The following KANSL3 variants were observed in gnomAD, a reference collection of about 807,000 sequenced individuals.
The protein encoded by KANSL3 is NSL complex protein NSL3.
A neutral mutation model predicts 89.2 loss-of-function variants in KANSL3; 16 were observed. That is an observed-to-expected ratio of 0.18 (90% CI 0.12 to 0.27). KANSL3 has a LOEUF of 0.27. Among genes scored for constraint, KANSL3 ranks in the 10% least tolerant of loss-of-function variants. KANSL3 has a pLI of 1.00. For missense variants in KANSL3, 879 were observed against 1,110.6 expected (o/e 0.79, Z 2.96); for synonymous variants, 385 against 419.7 (o/e 0.92, Z 1.01).
Position 96,610,989 on chromosome 2 carries a change from A to G in KANSL3, c.1161+75T>C. ...CCATGCAACTGCAGTCAGCCTCAGCATCAGCTTGGACAAGGCATGCACACT... is the reference window on the plus strand; with the variant it reads ...CCATGCAACTGCAGTCAGCCTCAGCGTCAGCTTGGACAAGGCATGCACACT... On this transcript the variant is annotated intron_variant, in intron 10 of 20. Transcript: ENST00000431828. 7 of 1,578,860 alleles carry G rather than the reference A, an allele frequency of 4.4e-6. No individual in the cohort carries two copies. In the South Asian group the frequency reaches 7.8e-5, roughly 18 times the overall value.
intron 20 of KANSL3, among the ~76,000 whole-genome samples, chr2:96,598,394 A>G (rs1374146343): frequency 1.3e-5 from 2 of 152,214 alleles, no homozygotes; most frequent in African/African-American, 4.8e-5. Context: ...ATTAATATAG[A>G]CGCCAAAATC....
intron 16 of KANSL3, 114 bp from the exon 17 acceptor site, chr2:96,604,494 CA>C: frequency 3.2e-6 from 4 of 1,232,236 alleles, no homozygotes; most frequent in Non-Finnish European, 4.5e-6. Flanking sequence ...AGACATACAC[CA>C]AAAACCTTCA....
Position 96,594,291 on chromosome 2 carries a change from C to T in KANSL3, c.*1320G>A, listed in dbSNP as rs1244669603. 1 of 152,206 alleles carries T rather than the reference C, an allele frequency of 6.6e-6. No individual in the cohort carries two copies. The highest frequency in any genetic ancestry group is 2.4e-5 in the African/African-American group (1 of 41,438). The allele number at this position is 152,206 out of a possible 1,614,324, so 9.4% of individuals were successfully genotyped here. A position where few individuals can be genotyped will look rare whatever the true frequency, so the allele number is the denominator to read the frequency against. ...CACACTTGGGTTGCCTAATTTATTA[C>T]CTTAACTAGAAACATTCTAAGTATG... On this transcript the variant is annotated 3_prime_UTR_variant, in exon 21 of 21. Coordinates refer to ENST00000431828, the MANE Select transcript of KANSL3 (RefSeq NM_001115016.3).
chr2:96,589,593 A>C (rs2066260274), downstream of KANSL3, among the ~76,000 whole-genome samples: 1 of 152,228 alleles, frequency 6.6e-6, no homozygotes, highest in African/African-American at 2.4e-5. Flanking sequence ...ACAATTCCAC[A>C]ATTATAGTTG....
downstream of KANSL3, among the ~76,000 whole-genome samples, chr2:96,588,873 C>A (rs1448757427): frequency 6.6e-6 from 1 of 152,168 alleles, no homozygotes; most frequent in East Asian, 1.9e-4. Context: ...GGATTACAGG[C>A]TTAAGCCACC....
At chr2:96,587,893 ACAG>A in the KANSL3 span, among the ~76,000 whole-genome samples, 1 of 152,234 alleles carries the variant, frequency 6.6e-6, no homozygotes, top group East Asian at 1.9e-4. Flanking sequence ...AATAGGCTCA[ACAG>A]CAGAACAGAA....
chr2:96,615,728 T>C (rs1457200764), intron 5 of KANSL3, among the ~76,000 whole-genome samples: 1 of 152,170 alleles, frequency 6.6e-6, no homozygotes, highest in African/African-American at 2.4e-5. Flanking sequence ...TATGAGAAAT[T>C]AGAGAATTAT....
chr2:96,590,550 A>G (rs1296486975), downstream of KANSL3, among the ~76,000 whole-genome samples: 1 of 152,022 alleles, frequency 6.6e-6, no homozygotes, highest in African/African-American at 2.4e-5. Context: ...TGGCCTCCCA[A>G]AGTGCTGGGA....
chr2:96,619,346 A>G lies in KANSL3; in HGVS notation c.663+13T>C, dbSNP rs200118389. ...TATCCCTAGGACAGGGCAGACCCCA[A>G]TCACAGCCTTACCTTCCCCTTCAGC... On this transcript the variant is annotated intron_variant, in intron 5 of 20. Coordinates refer to ENST00000431828, the MANE Select transcript of KANSL3 (RefSeq NM_001115016.3). 20 of 1,604,158 alleles carry G rather than the reference A, an allele frequency of 1.2e-5. No individual in the cohort carries two copies. In the African/African-American group the frequency reaches 1.6e-4, roughly 13 times the overall value.
intron 2 of KANSL3, among the ~76,000 whole-genome samples, chr2:96,634,924 T>C (rs777891227): frequency 1.3e-5 from 2 of 152,190 alleles, no homozygotes; most frequent in Non-Finnish European, 1.5e-5. Flanking sequence ...TCATCCTAAT[T>C]TTACCTTTCC....
intron 14 of KANSL3, chr2:96,605,842 A>T (rs2067903312): frequency 5.5e-6 from 1 of 182,494 alleles, no homozygotes; most frequent in Non-Finnish European, 1.2e-5. Flanking sequence ...GGCCAATGGC[A>T]ACAACAACAA....
chr2:96,596,630 AC>A (rs1343003144), intron 20 of KANSL3, among the ~76,000 whole-genome samples: 1 of 152,284 alleles, frequency 6.6e-6, no homozygotes, highest in Admixed American at 6.5e-5. Flanking sequence ...ATATAGCAAG[AC>A]CCCATCTCAA....
intron 3 of KANSL3, among the ~76,000 whole-genome samples, chr2:96,629,549 C>T (rs1033288796): frequency 5.3e-5 from 8 of 152,228 alleles, no homozygotes; most frequent in Non-Finnish European, 7.4e-5. Context: ...CTTGAACTCC[C>T]GACCTCAGGT....
Position 96,611,138 on chromosome 2 carries a change from C to G in KANSL3, c.1087G>C (p.Val363Leu), listed in dbSNP as rs532815065. 1 of 1,613,548 alleles carries G rather than the reference C, an allele frequency of 6.2e-7. No homozygotes were observed. Among genetic ancestry groups the G allele is most frequent in the Non-Finnish European group, 8.5e-7 (1 of 1,179,454 alleles). ...GCAGTGACATACTCCATTACTGACA[C>G]CTGTAAATAACAGAACAGTTTGTCT... ...WNTGALVACH[V>L]SVMEYVTAVV... Residue 363 changes from valine to leucine, a missense_variant and splice_region_variant, in exon 10 of 21, where the codon GTG becomes CTG. By Grantham distance (32) the Val-to-Leu change is conservative (BLOSUM62 1). Coordinates refer to ENST00000431828, the MANE Select transcript of KANSL3 (RefSeq NM_001115016.3).
intron 11 of KANSL3, among the ~76,000 whole-genome samples, chr2:96,609,935 A>T (rs981463384): frequency 8.0e-6 from 1 of 124,842 alleles, no homozygotes; most frequent in Non-Finnish European, 1.6e-5. Context: ...TAGGCGACAG[A>T]GCCAGGCGCC....
intron 3 of KANSL3, among the ~76,000 whole-genome samples, chr2:96,622,254 T>C (rs181585746): frequency 1.4e-4 from 22 of 152,116 alleles, no homozygotes; most frequent in African/African-American, 5.3e-4. Flanking sequence ...TGAGACCTTG[T>C]CTACTGAAAA....
intron 12 of KANSL3, 94 bp from the exon 13 acceptor site, chr2:96,609,158 A>T (rs1434276040): frequency 1.7e-6 from 2 of 1,149,930 alleles, no homozygotes; most frequent in Non-Finnish European, 2.5e-6. Context: ...ATTCTCCCTC[A>T]GCTCTGGCAT....
In KANSL3 at chr2:96,631,742, AT is replaced by A. The variant is rs906808363; in HGVS notation, c.216-261del. On this transcript the variant is annotated intron_variant, in intron 2 of 20. Transcript: ENST00000431828. The stretch of plus-strand genomic sequence containing the variant: ...TCTATATAAAAAATGATAAACATCT[AT>A]TTTTTTTTTAAGATAAATATGGGCC... Among the ~76,000 whole-genome samples the A allele has an allele frequency of 1.1e-3, 158 of 149,592 alleles. 2 individuals are homozygous for A. The Middle Eastern group carries it at 0.028, about 26-fold the overall frequency.
At chr2:96,637,778 A>G (rs1015553292) in intron 1 of KANSL3, among the ~76,000 whole-genome samples, 4 of 152,208 alleles carry the variant, frequency 2.6e-5, no homozygotes, top group Admixed American at 2.6e-4. Context: ...CATAAAAATG[A>G]AAACTGCCCC....
Sources: allele counts gnomAD v4.1 joint callset (sites outside exome capture counted in the v4.1 genomes callset), GRCh38; gene constraint gnomAD v4.1.1; transcripts MANE v1.5; gene names NCBI Gene and HGNC (gene_info 2026-07-23, HGNC 2026-07-21).